TNRC18: variants seen among roughly 807,000 people sequenced by gnomAD.
TNRC18 encodes the protein trinucleotide repeat containing 18, also known as trinucleotide repeat-containing gene 18 protein.
A neutral mutation model predicts 226.7 loss-of-function variants in TNRC18; 69 were observed. The observed-to-expected ratio is 0.30, with a 90% CI of 0.25 to 0.37. The LOEUF (loss-of-function observed/expected upper bound fraction) is 0.37. Ranked by LOEUF, TNRC18 falls within the 10% of genes least tolerant of loss-of-function variation. TNRC18 has a pLI of 1.00. For synonymous variants in TNRC18, 2,449 were observed against 1,927.6 expected (o/e 1.27, Z -7.09); for missense variants, 4,754 against 4,256.6 (o/e 1.12, Z -3.25).
chr7:5,387,564 T>C, intron 5 of TNRC18, 108 bp downstream of exon 5: 1 of 1,451,956 alleles, frequency 6.9e-7, no homozygotes, highest in Non-Finnish European at 9.3e-7. Context: ...AAAATGATAC[T>C]TATAAAGACT....
intron 16 of TNRC18, among the ~76,000 whole-genome samples, chr7:5,354,989 C>G (rs1474348533): frequency 3.9e-5 from 6 of 152,248 alleles, no homozygotes; most frequent in Non-Finnish European, 7.3e-5. Context: ...CAGAGCCAAT[C>G]AAAAGCCCCA....
At chr7:5,375,164 C>T (rs1402242784) in intron 9 of TNRC18, among the ~76,000 whole-genome samples, 1 of 152,142 alleles carries the variant, frequency 6.6e-6, no homozygotes, top group Non-Finnish European at 1.5e-5. Flanking sequence ...AAAAAATTAG[C>T]CGTGCATGAC....
At chr7:5,341,153 T>C (rs950678457) in intron 18 of TNRC18, among the ~76,000 whole-genome samples, 6 of 151,868 alleles carry the variant, frequency 4.0e-5, no homozygotes, top group Non-Finnish European at 7.4e-5. Context: ...GGCTCACACC[T>C]GTAATCCCAG....
intron 2 of TNRC18, among the ~76,000 whole-genome samples, chr7:5,395,867 G>C (rs1780642777): frequency 1.3e-5 from 2 of 152,160 alleles, no homozygotes; most frequent in African/African-American, 4.8e-5. Flanking sequence ...TGTGGTGGCG[G>C]GCACCTGTAG....
intron 1 of TNRC18, among the ~76,000 whole-genome samples, chr7:5,422,327 C>A (rs1782633327): frequency 6.6e-6 from 1 of 151,246 alleles, no homozygotes; most frequent in Non-Finnish European, 1.5e-5. Context: ...CCTACTCTAG[C>A]TTCCCCCCCC....
intron 21 of TNRC18, among the ~76,000 whole-genome samples, chr7:5,321,831 C>A (rs1788395430): frequency 6.6e-6 from 1 of 151,672 alleles, no homozygotes; most frequent in Non-Finnish European, 1.5e-5. Context: ...GCCACCAGGC[C>A]CGGCTAATTT....
intron 2 of TNRC18, among the ~76,000 whole-genome samples, chr7:5,395,183 G>A (rs1267022864): frequency 2.0e-5 from 3 of 152,218 alleles, no homozygotes; most frequent in Non-Finnish European, 4.4e-5. Context: ...AGAAAGCAGG[G>A]ACTCAGAATG....
chr7:5,349,769 C>T (rs1791589644), intron 17 of TNRC18, among the ~76,000 whole-genome samples: 1 of 152,174 alleles, frequency 6.6e-6, no homozygotes, highest in Admixed American at 6.5e-5. Context: ...GATGGTCGGG[C>T]TGCTGGAAGA....
chr7:5,422,548 T>C (rs1403887309), intron 1 of TNRC18, among the ~76,000 whole-genome samples: 1 of 152,190 alleles, frequency 6.6e-6, no homozygotes, highest in African/African-American at 2.4e-5. Context: ...CTCACATTCC[T>C]GATTCCGGGA....
rs998753944 is a variant in TNRC18, at chr7:5,321,089, C to G, written c.6544G>C (p.Val2182Leu). 3.2e-6 allele frequency: 5 copies of G among 1,549,254 alleles called. No individual in the cohort carries two copies. The highest frequency in any genetic ancestry group is 3.9e-5 in the Admixed American group (2 of 51,300). Residue 2182 changes from valine to leucine, a missense_variant, in exon 22 of 30, where the codon GTG becomes CTG. Transcript: ENST00000430969. ...CCCACTCACATGTCTGGCGAGTGCACGGTCTGCACGTGCCCGGCGTACAGC... is the reference window on the plus strand; with the variant it reads ...CCCACTCACATGTCTGGCGAGTGCAGGGTCTGCACGTGCCCGGCGTACAGC... ...KLLYAGHVQT[V>L]HSPDIYRVVV... is the part of the protein sequence containing the mutation.
chr7:5,344,298 T>C (rs1264327950), intron 18 of TNRC18, among the ~76,000 whole-genome samples: 2 of 152,128 alleles, frequency 1.3e-5, no homozygotes, highest in African/African-American at 4.8e-5. Flanking sequence ...GGAAGCCATT[T>C]GGAGGTTCTG....
rs1786972926 is a variant in TNRC18 at position 5,309,558 on chromosome 7, T to C, written c.8389-190A>G. Reference sequence around the variant, plus strand: ...CCCCTCTTCCATCTCTTTGACATGCTGGGTCTCCAAGAGGCGCTTCCCTTG... The same window carrying C: ...CCCCTCTTCCATCTCTTTGACATGCCGGGTCTCCAAGAGGCGCTTCCCTTG... On this transcript the variant is annotated intron_variant, in intron 27 of 29. Coordinates refer to ENST00000430969, the MANE Select transcript of TNRC18 (RefSeq NM_001080495.3). The surrounding 1 kb of genome is among the most constrained non-coding windows in gnomAD (Gnocchi z 5.7). Among the ~76,000 whole-genome samples, 1 of 152,248 alleles carries C rather than the reference T, an allele frequency of 6.6e-6. No individual in the cohort carries two copies. Among genetic ancestry groups the C allele is most frequent in the Admixed American group, 6.5e-5 (1 of 15,292 alleles).
At chr7:5,353,940 T>C (rs926559361) in intron 16 of TNRC18, among the ~76,000 whole-genome samples, 1 of 152,048 alleles carries the variant, frequency 6.6e-6, no homozygotes, top group African/African-American at 2.4e-5. Flanking sequence ...CGGCAGCTCA[T>C]GCCTCTAATC....
At chr7:5,404,615 G>A (rs1316475842) in intron 2 of TNRC18, among the ~76,000 whole-genome samples, 1 of 152,080 alleles carries the variant, frequency 6.6e-6, no homozygotes, top group Admixed American at 6.6e-5. Context: ...AAGGCTTACC[G>A]AGGACTGCAG....
chr7:5,344,764 C>A (rs560002059), intron 18 of TNRC18, among the ~76,000 whole-genome samples: 4 of 152,190 alleles, frequency 2.6e-5, no homozygotes, highest in Admixed American at 2.0e-4. Context: ...CCATCTCCAT[C>A]TCCGGCACTG....
chr7:5,417,837 C>T (rs571297887), intron 2 of TNRC18, among the ~76,000 whole-genome samples: 1 of 152,296 alleles, frequency 6.6e-6, no homozygotes, highest in East Asian at 1.9e-4. Context: ...ACTCTGCCAG[C>T]GGTCTTCACT....
intron 18 of TNRC18, among the ~76,000 whole-genome samples, chr7:5,339,300 T>C (rs1212162953): frequency 1.3e-5 from 2 of 151,054 alleles, no homozygotes; most frequent in Non-Finnish European, 2.9e-5. Flanking sequence ...AGTACGGTGG[T>C]GCAGTCTCAG....
At chr7:5,395,493 G>C (rs2128204223) in intron 2 of TNRC18, among the ~76,000 whole-genome samples, 1 of 152,328 alleles carries the variant, frequency 6.6e-6, no homozygotes, top group East Asian at 1.9e-4. Context: ...CTGCCACCCA[G>C]GGGCTCTGTC....
At chr7:5,354,349 C>G (rs76228182) in intron 16 of TNRC18, among the ~76,000 whole-genome samples, 14,280 of 152,124 alleles carry the variant, frequency 0.094, 829 homozygotes, top group South Asian at 0.14. Context: ...ACCCCATCCA[C>G]GTCCACCTGA....
Sources: gnomAD v4.1 joint callset for allele counts (sites outside exome capture counted in the v4.1 genomes callset) on GRCh38, gnomAD v4.1.1 for gene constraint, Gnocchi (gnomAD v3.1) non-coding constraint, MANE v1.5 for transcripts, NCBI Gene and HGNC (gene_info 2026-07-23, HGNC 2026-07-21) for gene names.